Variants in BCAT1 observed in about 807,000 individuals in gnomAD.
The protein encoded by BCAT1 is branched chain amino acid transaminase 1.
BCAT1 carries 48 observed loss-of-function variants against 52.4 expected under a neutral mutation model. The observed-to-expected ratio is 0.92, with a 90% CI of 0.73 to 1.16. BCAT1 has a LOEUF of 1.16. Among genes scored for constraint, BCAT1 ranks in the 50% most tolerant of loss-of-function variants. The pLI is 0.00. For synonymous variants in BCAT1, 167 were observed against 161.3 expected (o/e 1.04, Z -0.27); for missense variants, 451 against 457.1 (o/e 0.99, Z 0.12).
At chr12:24,870,015 T>TGCGC (rs1555108661) in intron 5 of BCAT1, among the ~76,000 whole-genome samples, 3 of 151,750 alleles carry the variant, frequency 2.0e-5, no homozygotes, top group African/African-American at 7.3e-5. Context: ...TGTGTGTGTG[T>TGCGC]GTGTGTGTGT....
intron 1 of BCAT1, among the ~76,000 whole-genome samples, chr12:24,912,117 A>T (rs966589247): frequency 6.6e-6 from 1 of 152,200 alleles, no homozygotes; most frequent in Admixed American, 6.5e-5. Context: ...GACGGAAAGG[A>T]TTTAAGTTTT....
chr12:24,832,817 G>T lies in BCAT1; in HGVS notation c.950C>A (p.Thr317Lys), dbSNP rs751795079. 4 of 1,612,374 alleles carry T rather than the reference G, an allele frequency of 2.5e-6. No homozygotes were observed. The East Asian group carries it at 8.9e-5, about 36-fold the overall frequency. The change falls in exon 9 of 11, where the codon ACA becomes AAA. Residue 317 changes from threonine (T) to lysine (K), a missense_variant. By Grantham distance (78) the Thr-to-Lys change is moderately conservative (BLOSUM62 -1). Transcript: ENST00000261192. ...CACTCTGTTCCCCTCCAGGGCTGTT[G>T]TCAAGTCATCCATGGTGAGGTATCT... The part of the protein sequence containing the change: ...SERYLTMDDL[T>K]TALEGNRVRE...
intron 5 of BCAT1, among the ~76,000 whole-genome samples, chr12:24,877,493 G>A: frequency 6.6e-6 from 1 of 152,170 alleles, no homozygotes; most frequent in Non-Finnish European, 1.5e-5. Context: ...ACCCAACCAA[G>A]AGACTGTGAC....
chr12:24,922,594 C>G (rs1454464681), intron 1 of BCAT1, among the ~76,000 whole-genome samples: 1 of 152,158 alleles, frequency 6.6e-6, no homozygotes, highest in African/African-American at 2.4e-5. Context: ...AAATTATGGC[C>G]AGGCACAGTG....
At chr12:24,828,994 G>C (rs777982849) in intron 10 of BCAT1, among the ~76,000 whole-genome samples, 1 of 151,500 alleles carries the variant, frequency 6.6e-6, no homozygotes, top group African/African-American at 2.4e-5. Context: ...GTGACACAGC[G>C]AGACTTAGTC....
At chr12:24,910,314 T>C (rs1324961667) in intron 1 of BCAT1, among the ~76,000 whole-genome samples, 2 of 151,428 alleles carry the variant, frequency 1.3e-5, no homozygotes, top group African/African-American at 4.9e-5. Context: ...GAGGTGGAGG[T>C]TGCAGTGAGC....
In BCAT1 at chr12:24,850,031, C is replaced by T. The variant is rs969581814; in HGVS notation, c.511-82G>A. On this transcript the variant is annotated intron_variant, in intron 5 of 10. Transcript: ENST00000261192. The stretch of plus-strand genomic sequence containing the variant: ...AAGTCTAGAATAGATTTATATCTGT[C>T]TCCCAGAAGAAGCCATCGAATTACA... The T allele has an allele frequency of 3.9e-6, 5 of 1,270,254 alleles. No homozygotes were observed. In the African/African-American group the frequency reaches 7.5e-5, roughly 19 times the overall value. The allele number at this position is 1,270,254 out of a possible 1,614,324, so 78.7% of individuals were successfully genotyped here. A position where few individuals can be genotyped will look rare whatever the true frequency, so the allele number is the denominator to read the frequency against.
At chr12:24,829,765 G>A in intron 10 of BCAT1, 58 bp downstream of exon 10, 2 of 1,337,556 alleles carry the variant, frequency 1.5e-6, no homozygotes, top group Non-Finnish European at 2.1e-6. Context: ...ACAGAAATAA[G>A]GTGACATAAA....
intron 3 of BCAT1, among the ~76,000 whole-genome samples, chr12:24,885,578 T>C (rs1490203249): frequency 4.6e-5 from 7 of 152,030 alleles, no homozygotes; most frequent in East Asian, 1.9e-4. Context: ...AAAAATTATA[T>C]GGAAAGAAAA....
At chr12:24,869,755 G>A (rs1226947519) in intron 5 of BCAT1, among the ~76,000 whole-genome samples, 1 of 152,166 alleles carries the variant, frequency 6.6e-6, no homozygotes, top group African/African-American at 2.4e-5. Context: ...TATTGGAGAG[G>A]GAACGGAGGC....
At chr12:24,902,924 G>T (rs1180469349) in intron 1 of BCAT1, 2 of 1,510,250 alleles carry the variant, frequency 1.3e-6, no homozygotes, top group East Asian at 2.8e-5. Context: ...CCCCCCTTCC[G>T]CAAACGCCCG....
intron 10 of BCAT1, among the ~76,000 whole-genome samples, chr12:24,820,896 G>T (rs775392944): frequency 6.6e-6 from 1 of 151,940 alleles, no homozygotes; most frequent in African/African-American, 2.4e-5. Flanking sequence ...GTCACTCTAC[G>T]CAACGCCAAT....
chr12:24,879,335 C>A (rs1942431488), intron 4 of BCAT1, among the ~76,000 whole-genome samples: 1 of 151,700 alleles, frequency 6.6e-6, no homozygotes. Context: ...GATAGATAAC[C>A]CAATAGGAAA....
chr12:24,836,010 T>C (rs992134995), intron 8 of BCAT1, among the ~76,000 whole-genome samples: 1 of 152,166 alleles, frequency 6.6e-6, no homozygotes, highest in Non-Finnish European at 1.5e-5. Flanking sequence ...TTTTGGAGGA[T>C]GGGGGTAGGA....
intron 5 of BCAT1, among the ~76,000 whole-genome samples, chr12:24,868,861 C>T (rs1236165512): frequency 6.6e-6 from 1 of 152,178 alleles, no homozygotes; most frequent in Admixed American, 6.5e-5. Flanking sequence ...GACACAGAAG[C>T]TAGCCACAGA....
intron 6 of BCAT1, among the ~76,000 whole-genome samples, chr12:24,848,446 T>C (rs919928780): frequency 1.3e-5 from 2 of 152,252 alleles, no homozygotes; most frequent in African/African-American, 4.8e-5. Flanking sequence ...CATTAAATCA[T>C]TGTTTACAAA....
In BCAT1 at chr12:24,925,899, T is replaced by C. The variant is rs955007446; in HGVS notation, c.6+23028A>G. Among the ~76,000 whole-genome samples, 5 of 152,248 alleles carry C rather than the reference T, an allele frequency of 3.3e-5. No homozygotes were observed. The East Asian group carries it at 9.6e-4, about 29-fold the overall frequency. The stretch of plus-strand genomic sequence containing the variant: ...AGTCTCGTTCACTCAGTGCTCAATG[T>C]TGCCCAAGCTGGAGTGTAGTGGCGT... On this transcript the variant is annotated intron_variant, in intron 1 of 10. Coordinates refer to ENST00000261192, the MANE Select transcript of BCAT1 (RefSeq NM_005504.7).
chr12:24,927,726 T>C (rs1255821641), intron 1 of BCAT1, among the ~76,000 whole-genome samples: 1 of 152,228 alleles, frequency 6.6e-6, no homozygotes, highest in African/African-American at 2.4e-5. Flanking sequence ...AGTCTCAGAA[T>C]AGAGAATCCA....
chr12:24,891,088 G>C (rs780496936), intron 3 of BCAT1, among the ~76,000 whole-genome samples: 1 of 152,190 alleles, frequency 6.6e-6, no homozygotes. Context: ...TCTTGAAAGA[G>C]TAGTTTTGAG....
Sources: allele counts gnomAD v4.1 joint callset (sites outside exome capture counted in the v4.1 genomes callset), GRCh38; gene constraint gnomAD v4.1.1; transcripts MANE v1.5; gene names NCBI Gene and HGNC (gene_info 2026-07-23, HGNC 2026-07-21).